The following ERBB4 variants were observed in gnomAD, a reference collection of about 807,000 sequenced individuals.
ERBB4 encodes receptor tyrosine-protein kinase erbB-4.
A neutral mutation model predicts 158.0 loss-of-function variants in ERBB4; 42 were observed. That is an observed-to-expected ratio of 0.27 (90% confidence interval 0.21 to 0.34). The LOEUF (loss-of-function observed/expected upper bound fraction) is 0.34, where lower values mean the gene tolerates loss of function less well. ERBB4 is among the 10% of genes least tolerant of loss of function. The pLI is 1.00. For synonymous variants in ERBB4, 583 were observed against 558.7 expected, an observed-to-expected ratio of 1.04 and a Z score of -0.61; for missense variants, 1,333 against 1,624.1, an observed-to-expected ratio of 0.82 and a Z score of 3.08.
At chr2:212,286,304 CAA>C (rs1471536580) in intron 1 of ERBB4, among the ~76,000 whole-genome samples, 1 of 152,088 alleles carries the variant, frequency 6.6e-6, no homozygotes, top group African/African-American at 2.4e-5. Flanking sequence ...AGTGGGCCTA[CAA>C]GAAACCTTAG....
intron 4 of ERBB4, among the ~76,000 whole-genome samples, chr2:211,770,766 G>C (rs898937458): frequency 6.6e-6 from 1 of 152,048 alleles, no homozygotes; most frequent in Non-Finnish European, 1.5e-5. Context: ...CCCAAATCAG[G>C]CTCTTAATAC....
At chr2:211,765,472 T>C (rs1460655821) in intron 4 of ERBB4, among the ~76,000 whole-genome samples, 2 of 152,178 alleles carry the variant, frequency 1.3e-5, no homozygotes, top group African/African-American at 4.8e-5. Context: ...GATAAGACCA[T>C]GTTTTGTTTC....
At chr2:211,499,244 G>C (rs5028311) in intron 20 of ERBB4, among the ~76,000 whole-genome samples, 35,240 of 151,944 alleles carry the variant, frequency 0.23, 4,462 homozygotes, top group East Asian at 0.38. Context: ...TGTGACTCAG[G>C]CCGGGTGCCG....
chr2:211,472,567 G>A (rs2064853566), intron 20 of ERBB4, among the ~76,000 whole-genome samples: 1 of 151,166 alleles, frequency 6.6e-6, no homozygotes, highest in South Asian at 2.1e-4. Context: ...ACCTTCAAAT[G>A]TGCATTATCC....
chr2:211,617,943 A>G (rs546348672), intron 19 of ERBB4, among the ~76,000 whole-genome samples: 10 of 152,202 alleles, frequency 6.6e-5, no homozygotes, highest in African/African-American at 2.2e-4. Flanking sequence ...CTTGTATTGA[A>G]TGTGAAAAAA....
chr2:211,978,035 A>G (rs2081667350), intron 2 of ERBB4, among the ~76,000 whole-genome samples: 1 of 150,704 alleles, frequency 6.6e-6, no homozygotes, highest in Non-Finnish European at 1.5e-5. Context: ...TCCTAGATGT[A>G]TAATAATTCT....
At chr2:211,922,827 A>G (rs2079902966) in intron 3 of ERBB4, among the ~76,000 whole-genome samples, 1 of 152,110 alleles carries the variant, frequency 6.6e-6, no homozygotes. Context: ...AGTCATATGA[A>G]AGTTAGTAGG....
rs370747398 is a variant in ERBB4 at position 212,498,417 on chromosome 2, T to C, written c.82+40032A>G. On this transcript the variant is annotated intron_variant, in intron 1 of 27. Coordinates refer to ENST00000342788, the MANE Select transcript of ERBB4 (RefSeq NM_005235.3). ...ATCTATTAGAATATGCTTTAGCCAA[T>C]GTAGAATAAATAATTAAAAATGCCT... 6.6e-5 allele frequency among the ~76,000 whole-genome samples: 10 copies of C among 152,278 alleles called. No individual in the cohort carries two copies. In the East Asian group the frequency reaches 1.9e-3, roughly 29 times the overall value.
At chr2:211,476,941 T>C (rs893830806) in intron 20 of ERBB4, among the ~76,000 whole-genome samples, 3 of 152,054 alleles carry the variant, frequency 2.0e-5, no homozygotes, top group African/African-American at 7.2e-5. Flanking sequence ...CAGGGAGGGA[T>C]AAACCTATAT....
At chr2:212,364,033 G>C (rs1309604406) in intron 1 of ERBB4, among the ~76,000 whole-genome samples, 1 of 151,548 alleles carries the variant, frequency 6.6e-6, no homozygotes, top group African/African-American at 2.4e-5. Context: ...ACACATCTCT[G>C]GTAAACTGGT....
At chr2:211,717,784 G>C (rs138568418) in intron 7 of ERBB4, among the ~76,000 whole-genome samples, 1 of 152,098 alleles carries the variant, frequency 6.6e-6, no homozygotes, top group South Asian at 2.1e-4. Flanking sequence ...CCAAGATTGC[G>C]CCATTGCTCT....
chr2:212,049,507 A>G (rs942827135), intron 2 of ERBB4, among the ~76,000 whole-genome samples: 1 of 152,164 alleles, frequency 6.6e-6, no homozygotes, highest in Non-Finnish European at 1.5e-5. Context: ...TATTGGGTCT[A>G]CAATGAGAAT....
rs375886760 is a variant in ERBB4, at chr2:212,227,669, A to T, written c.83-102766T>A. 3.3e-5 allele frequency among the ~76,000 whole-genome samples: 5 copies of T among 152,310 alleles called. No individual in the cohort carries two copies. The South Asian group carries it at 1.0e-3, about 32-fold the overall frequency. On this transcript the variant is annotated intron_variant, in intron 1 of 27. Coordinates refer to ENST00000342788, the MANE Select transcript of ERBB4 (RefSeq NM_005235.3). ...AAAAATAGAAATAAAGAAATACATT[A>T]TAAGTAATCAAGTCTTTGAATGGTG...
intron 22 of ERBB4, among the ~76,000 whole-genome samples, chr2:211,426,223 A>G (rs1410415412): frequency 2.6e-5 from 4 of 152,238 alleles, no homozygotes; most frequent in Non-Finnish European, 5.9e-5. Context: ...AGGGTTAGAA[A>G]AGGATGGTTT....
At chr2:211,803,382 A>G (rs1407225362) in intron 3 of ERBB4, among the ~76,000 whole-genome samples, 1 of 152,222 alleles carries the variant, frequency 6.6e-6, no homozygotes, top group Non-Finnish European at 1.5e-5. Flanking sequence ...AGTCCAGAAG[A>G]TAATAAACTC....
rs1203819576 is a variant in ERBB4, at chr2:212,378,288, T to G, written c.82+160161A>C. Among the ~76,000 whole-genome samples the G allele has an allele frequency of 3.9e-5, 6 of 151,998 alleles. No individual in the cohort carries two copies. In the East Asian group the frequency reaches 9.7e-4, roughly 25 times the overall value. ...ACAGAATACTGTTCTATATGCCATCTGCATATAGAACTTCAAAAGTCTCAA... is the reference window on the plus strand; with the variant it reads ...ACAGAATACTGTTCTATATGCCATCGGCATATAGAACTTCAAAAGTCTCAA... On this transcript the variant is annotated intron_variant, in intron 1 of 27. Transcript: ENST00000342788.
At chr2:211,693,055 A>G (rs2072880421) in intron 12 of ERBB4, among the ~76,000 whole-genome samples, 1 of 152,176 alleles carries the variant, frequency 6.6e-6, no homozygotes, top group South Asian at 2.1e-4. Context: ...AATTGTTGTT[A>G]ACTCTTATAT....
intron 20 of ERBB4, among the ~76,000 whole-genome samples, chr2:211,475,032 A>G (rs1183415569): frequency 6.6e-6 from 1 of 152,070 alleles, no homozygotes; most frequent in Non-Finnish European, 1.5e-5. Context: ...AAGAGGAGGG[A>G]TGACAGGAAA....
At position 211,805,658 on chromosome 2, in the gene ERBB4, G is replaced by A. The variant is rs115293684; in HGVS notation, c.422-17499C>T. Reference sequence around the variant, plus strand: ...AATTAATTTGTCACAGTCAGTCAATGTGGTCTTTTCAAAACCAAAATTAAA... The same window carrying A: ...AATTAATTTGTCACAGTCAGTCAATATGGTCTTTTCAAAACCAAAATTAAA... On this transcript the variant is annotated intron_variant, in intron 3 of 27. Transcript: ENST00000342788. 7.2e-3 allele frequency among the ~76,000 whole-genome samples: 1,099 copies of A among 152,236 alleles called. 10 individuals are homozygous for A. The highest frequency in any genetic ancestry group is 0.025 in the African/African-American group (1,045 of 41,528).
Sources: allele counts gnomAD v4.1 joint callset (sites outside exome capture counted in the v4.1 genomes callset), GRCh38; gene constraint gnomAD v4.1.1; transcripts MANE v1.5; gene names NCBI Gene and HGNC (gene_info 2026-07-23, HGNC 2026-07-21).